Variants in NOP16 observed in about 807,000 individuals in gnomAD.
NOP16 encodes the protein NOP16 nucleolar protein, also known as nucleolar protein 16.
NOP16 carries 14 observed loss-of-function variants against 22.7 expected under a neutral mutation model. The ratio of observed to expected loss-of-function variants is 0.62; its 90% CI spans 0.41 to 0.97. The LOEUF (loss-of-function observed/expected upper bound fraction) is 0.97. NOP16 is among the 50% of genes least tolerant of loss of function. The pLI is 0.00. For missense variants in NOP16, 198 were observed against 235.9 expected (o/e 0.84, Z 1.05); for synonymous variants, 80 against 83.6 (o/e 0.96, Z 0.23).
rs969568952 is a variant in NOP16 at position 176,385,026 on chromosome 5, C to A, written c.393+195G>T. The A allele has an allele frequency of 5.2e-5, 31 of 592,246 alleles. No individual in the cohort carries two copies. In the Middle Eastern group the frequency reaches 1.3e-3, roughly 26 times the overall value. The allele number at this position is 592,246 out of a possible 1,614,324, so 36.7% of individuals were successfully genotyped here. On this transcript the variant is annotated intron_variant, in intron 4 of 4. Transcript: ENST00000614830. The stretch of plus-strand genomic sequence containing the variant: ...ATTTATCTGTGAGTGAGACTGGAAC[C>A]AAGGTCACTCAGTCTATCCTTGCCA...
chr5:176,384,368 C>T lies in NOP16; in HGVS notation c.400G>A (p.Ala134Thr), dbSNP rs752413462. 1.2e-6 allele frequency: 2 copies of T among 1,612,172 alleles called. No homozygotes were observed. The highest frequency in any genetic ancestry group is 1.7e-6 in the Non-Finnish European group (2 of 1,178,874). The change falls in exon 5 of 5, where the codon GCC (alanine) becomes ACC (threonine). Residue 134 changes from alanine (A) to threonine (T), a missense_variant. Ala to Thr is a moderately conservative substitution (Grantham distance 58). Coordinates refer to ENST00000614830, the MANE Select transcript of NOP16 (RefSeq NM_016391.8). ...ENHGEDYKAMARDEKNYYQDT... is the reference protein window; with the variant it reads ...ENHGEDYKAMTRDEKNYYQDT... Reference sequence around the variant, plus strand: ...TGATAGTAATTCTTCTCATCACGGGCCATGGCCTAAGAGGAGAAGGGCTAC... The same window carrying T: ...TGATAGTAATTCTTCTCATCACGGGTCATGGCCTAAGAGGAGAAGGGCTAC...
rs775642185 is a variant in NOP16 at position 176,388,428 on chromosome 5, C to T, written c.107+5G>A. The T allele has an allele frequency of 1.2e-6, 2 of 1,614,016 alleles. No individual in the cohort carries two copies. The highest frequency in any genetic ancestry group is 3.3e-5 in the Admixed American group (2 of 60,008). Reference sequence around the variant, plus strand: ...CACGGCCACCCGGAACCCCAGCCCCCTCACCATTCGATCCGCGGCGCTGCC... The same window carrying T: ...CACGGCCACCCGGAACCCCAGCCCCTTCACCATTCGATCCGCGGCGCTGCC... On this transcript the variant is annotated splice_donor_5th_base_variant and intron_variant, in intron 1 of 4. Transcript: ENST00000614830.
intron 4 of NOP16, 51 bp downstream of exon 4, chr5:176,385,170 G>C (rs116580789): frequency 1.4e-4 from 147 of 1,024,776 alleles, no homozygotes; most frequent in Non-Finnish European, 2.1e-4. Flanking sequence ...ATCAAGCCGC[G>C]AATGGTCCAG....
Position 176,388,557 on chromosome 5 carries a change from C to G in NOP16, c.-18G>C. On this transcript the variant is annotated 5_prime_UTR_variant, in exon 1 of 5. Coordinates refer to ENST00000614830, the MANE Select transcript of NOP16 (RefSeq NM_016391.8). ...TTGGGCATCGCGCTGACCACCGCAC[C>G]AGCAGCTCAAACACGCTGCCTCTGT... The G allele has an allele frequency of 6.3e-7, 1 of 1,599,080 alleles. No individual in the cohort carries two copies. Among genetic ancestry groups the G allele is most frequent in the Non-Finnish European group, 8.6e-7 (1 of 1,167,924 alleles).
In NOP16 at chr5:176,384,304, T is replaced by C. The variant is rs1431107056; in HGVS notation, c.464A>G (p.Tyr155Cys). The C allele has an allele frequency of 1.9e-5, 30 of 1,614,140 alleles. No homozygotes were observed. The highest frequency in any genetic ancestry group is 1.6e-4 in the Middle Eastern group (1 of 6,084). ...CCACTCTGCTGGGTAAAAGCGTTTA[T>C]AGACGTTGATCTTACTCCGAATCTG... is the stretch of plus-strand genomic sequence containing the variant. ...PKQIRSKINV[Y>C]KRFYPAEWQD... is the part of the protein sequence containing the mutation. The change falls in exon 5 of 5, where the codon TAT becomes TGT. Residue 155 changes from tyrosine to cysteine, a missense_variant. Physicochemically the swap from Tyr to Cys is radical, Grantham distance 194. Coordinates refer to ENST00000614830, the MANE Select transcript of NOP16 (RefSeq NM_016391.8).
At position 176,384,255 on chromosome 5, in the gene NOP16, C is replaced by G. The variant is rs775509663; in HGVS notation, c.513G>C (p.Gln171His). ...AEWQDFLDSL[Q>H]KRKMEVE ...GTCACTCCACCTCCATCTTCCTCTTCTGCAAAGAATCGAGGAAGTCTTGCC... is the reference window on the plus strand; with the variant it reads ...GTCACTCCACCTCCATCTTCCTCTTGTGCAAAGAATCGAGGAAGTCTTGCC... The change falls in exon 5 of 5, where the codon CAG becomes CAC. Residue 171 changes from glutamine to histidine, a missense_variant. Gln to His is a conservative substitution (Grantham distance 24, BLOSUM62 0). Transcript: ENST00000614830. The G allele has an allele frequency of 6.2e-7, 1 of 1,614,250 alleles. No individual in the cohort carries two copies. The highest frequency in any genetic ancestry group is 8.5e-7 in the Non-Finnish European group (1 of 1,180,048).
chr5:176,387,054 T>G (rs1755904825), intron 2 of NOP16, 145 bp from the exon 3 acceptor site: 3 of 646,738 alleles, frequency 4.6e-6, no homozygotes, highest in Non-Finnish European at 8.2e-6. Flanking sequence ...ACTAATGCCC[T>G]GGAGGCTTTT....
chr5:176,387,075 TC>T (rs1755911725), intron 2 of NOP16, 166 bp from the exon 3 acceptor site: 74 of 424,522 alleles, frequency 1.7e-4, no homozygotes, highest in Middle Eastern at 5.9e-4. Flanking sequence ...TCTCTCTCTC[TC>T]TCTTTTTTTT....
chr5:176,384,458 G>T, intron 4 of NOP16, 84 bp from the exon 5 acceptor site: 1 of 1,371,256 alleles, frequency 7.3e-7, no homozygotes, highest in Non-Finnish European at 1.0e-6. Context: ...CAAGCCACTT[G>T]CTATCTATCC....
In NOP16 at chr5:176,388,340, G is replaced by A. The variant is rs1224030963; in HGVS notation, c.111C>T (p.Ser37=). 3.1e-6 allele frequency: 5 copies of A among 1,613,974 alleles called. No homozygotes were observed. Among genetic ancestry groups the A allele is most frequent in the Non-Finnish European group, 4.2e-6 (5 of 1,179,942 alleles). The change falls in exon 2 of 5, where the codon TCC becomes TCT. Residue 37 remains serine, a synonymous_variant. Transcript: ENST00000614830. Reference sequence around the variant, plus strand: ...CGTGGTCCCAGGCATGTCGGATGTGGGAGCTACCGGCAAAGAGAGACATCG... The same window carrying A: ...CGTGGTCCCAGGCATGTCGGATGTGAGAGCTACCGGCAAAGAGAGACATCG... The part of the protein sequence containing the change: ...RRKAAPRIEC[S]HIRHAWDHAK...
At chr5:176,386,720 G>C (rs2113590071) in intron 3 of NOP16, 120 bp downstream of exon 3, 2 of 861,266 alleles carry the variant, frequency 2.3e-6, no homozygotes, top group East Asian at 4.8e-5. Context: ...CTTTGAACCA[G>C]CTCACTTCTC....
intron 2 of NOP16, 107 bp from the exon 3 acceptor site, chr5:176,387,016 G>A (rs952963060): frequency 1.1e-5 from 10 of 937,368 alleles, no homozygotes; most frequent in African/African-American, 6.5e-5. Flanking sequence ...CCCTGCCCAC[G>A]GTTAGGTAGA....
chr5:176,384,641 C>T lies in NOP16; in HGVS notation c.394-267G>A, dbSNP rs532576529. On this transcript the variant is annotated intron_variant, in intron 4 of 4. Coordinates refer to ENST00000614830, the MANE Select transcript of NOP16 (RefSeq NM_016391.8). Reference sequence around the variant, plus strand: ...GTCTCTCCAAAAACAATAAATTAACCATCCTGTGGTCCCAGCTACTTGGGA... The same window carrying T: ...GTCTCTCCAAAAACAATAAATTAACTATCCTGTGGTCCCAGCTACTTGGGA... 733 of 491,100 alleles carry T rather than the reference C, an allele frequency of 1.5e-3. 15 individuals carry two copies. The South Asian group carries it at 0.02, about 14-fold the overall frequency. 30.4% of individuals were successfully genotyped at this position (491,100 alleles called of 1,614,324 possible).
intron 2 of NOP16, 25 bp downstream of exon 2, chr5:176,388,210 G>A (rs759465541): frequency 1.3e-6 from 2 of 1,534,412 alleles, no homozygotes; most frequent in South Asian, 2.2e-5. Flanking sequence ...AGAAGACAAG[G>A]ACCGAGACCC....
chr5:176,384,676 A>T, intron 4 of NOP16: 1 of 429,510 alleles, frequency 2.3e-6, no homozygotes, highest in East Asian at 4.3e-5. Context: ...AGGCCGAGGC[A>T]GGAGGACTGT....
chr5:176,384,364 C>T lies in NOP16; in HGVS notation c.404G>A (p.Arg135His), dbSNP rs751991573. ...ATCTTGATAGTAATTCTTCTCATCACGGGCCATGGCCTAAGAGGAGAAGGG... is the reference window on the plus strand; with the variant it reads ...ATCTTGATAGTAATTCTTCTCATCATGGGCCATGGCCTAAGAGGAGAAGGG... ...NHGEDYKAMA[R>H]DEKNYYQDTP... is the part of the protein sequence containing the mutation. Residue 135 changes from arginine (R) to histidine (H), a missense_variant, in exon 5 of 5, where the codon CGT (arginine) becomes CAT (histidine). By Grantham distance (29) the Arg-to-His change is conservative. Coordinates refer to ENST00000614830, the MANE Select transcript of NOP16 (RefSeq NM_016391.8). The T allele has an allele frequency of 7.4e-6, 12 of 1,612,668 alleles. No individual in the cohort carries two copies. The highest frequency in any genetic ancestry group is 1.7e-5 in the Admixed American group (1 of 59,932).
Position 176,388,541 on chromosome 5 carries a change from G to A in NOP16, c.-2C>T. On this transcript the variant is annotated 5_prime_UTR_variant, in exon 1 of 5. Transcript: ENST00000614830. The stretch of plus-strand genomic sequence containing the variant: ...GGTTTTGCCCTTGGCCTTGGGCATC[G>A]CGCTGACCACCGCACCAGCAGCTCA... 1.2e-6 allele frequency: 2 copies of A among 1,607,350 alleles called. No individual in the cohort carries two copies. The highest frequency in any genetic ancestry group is 1.7e-6 in the Non-Finnish European group (2 of 1,174,586).
Position 176,383,975 on chromosome 5 carries a change from C to T in NOP16, c.*256G>A, listed in dbSNP as rs778173132. The T allele has an allele frequency of 2.9e-5, 45 of 1,530,272 alleles. 1 individual carries two copies. In the South Asian group the frequency reaches 4.9e-4, roughly 17 times the overall value. 94.8% of individuals were successfully genotyped at this position (1,530,272 alleles called of 1,614,324 possible). On this transcript the variant is annotated 3_prime_UTR_variant, in exon 5 of 5. Coordinates refer to ENST00000614830, the MANE Select transcript of NOP16 (RefSeq NM_016391.8). ...ATATATTTGCTTTATTATGTACACA[C>T]TATATTTACATCACCCACCCTGAAA...
intron 4 of NOP16, 65 bp downstream of exon 4, chr5:176,385,156 G>A (rs775246053): frequency 4.6e-6 from 4 of 873,944 alleles, no homozygotes; most frequent in East Asian, 2.4e-5. Flanking sequence ...TGCTGCGCAA[G>A]CAGATCAAGC....
Sources: gnomAD v4.1 joint callset for allele counts on GRCh38, gnomAD v4.1.1 for gene constraint, MANE v1.5 for transcripts, NCBI Gene and HGNC (gene_info 2026-07-23, HGNC 2026-07-21) for gene names.